The following IMPA2 variants were observed in gnomAD, a reference collection of about 807,000 sequenced individuals.
IMPA2 encodes IMP 2.
IMPA2 carries 32 observed loss-of-function variants against 35.1 expected under a neutral mutation model. The ratio of observed to expected loss-of-function variants is 0.91; its 90% CI spans 0.69 to 1.23. IMPA2 has a LOEUF of 1.23. IMPA2 is among the 50% of genes most tolerant of loss of function. The pLI is 0.00. For synonymous variants in IMPA2, 135 were observed against 160.6 expected (o/e 0.84, Z 1.20); for missense variants, 334 against 387.6 (o/e 0.86, Z 1.16).
chr18:11,989,530 G>T (rs187038395), intron 1 of IMPA2, among the ~76,000 whole-genome samples: 8 of 152,288 alleles, frequency 5.3e-5, no homozygotes, highest in African/African-American at 1.9e-4. Context: ...GGTGGGGGTC[G>T]GTACATGGTC....
At chr18:12,012,291 C>T (rs1471865810) in intron 4 of IMPA2, 76 bp downstream of exon 4, 1 of 1,252,918 alleles carries the variant, frequency 8.0e-7, no homozygotes, top group Non-Finnish European at 1.2e-6. Flanking sequence ...GCTTCAGCCT[C>T]TGTGCGCCTG....
intron 2 of IMPA2, among the ~76,000 whole-genome samples, chr18:12,005,103 G>T (rs73404704): frequency 0.052 from 7,930 of 152,262 alleles, 712 homozygotes; most frequent in African/African-American, 0.18. Flanking sequence ...CCTTCACACC[G>T]CTGCAGCCAC....
intron 1 of IMPA2, among the ~76,000 whole-genome samples, chr18:11,996,561 C>G (rs1189057478): frequency 6.6e-6 from 1 of 152,122 alleles, no homozygotes; most frequent in Non-Finnish European, 1.5e-5. Flanking sequence ...ACCTGCCCAC[C>G]CCGCCCGCTG....
rs1555645709 is a variant in IMPA2, at chr18:12,007,604, C to CTTTTTCTT, written c.231-2278_231-2277insTTTTCTTT. Among the ~76,000 whole-genome samples the CTTTTTCTT allele has an allele frequency of 3.7e-3, 496 of 134,700 alleles. 3 individuals carry two copies. The highest frequency in any genetic ancestry group is 7.6e-3 in the South Asian group (31 of 4,086). The allele number at this position is 134,700 out of a possible 152,430, so 88.4% of individuals were successfully genotyped here. ...TTTCTTTTCTTTTCTTTCTTTCTTT[C>CTTTTTCTT]TCTTTCTTTCTTTCTTTTTCTTTCT... is the stretch of plus-strand genomic sequence containing the variant. On this transcript the variant is annotated intron_variant, in intron 2 of 7. Transcript: ENST00000269159.
intron 1 of IMPA2, among the ~76,000 whole-genome samples, chr18:11,989,032 G>A (rs1228061523): frequency 3.3e-5 from 5 of 152,106 alleles, no homozygotes; most frequent in South Asian, 2.1e-4. Context: ...TTCACTAAGT[G>A]GAGATGTTGG....
At chr18:11,989,520 G>A (rs1906754356) in intron 1 of IMPA2, among the ~76,000 whole-genome samples, 1 of 152,226 alleles carries the variant, frequency 6.6e-6, no homozygotes, top group South Asian at 2.1e-4. Flanking sequence ...CCTTTGGTGG[G>A]GTGGGGGTCG....
intron 1 of IMPA2, among the ~76,000 whole-genome samples, chr18:11,983,708 C>T (rs956338442): frequency 1.3e-5 from 2 of 152,152 alleles, no homozygotes; most frequent in African/African-American, 4.8e-5. Flanking sequence ...CCGCCCGGGG[C>T]TCCCCCTCAG....
chr18:11,986,465 G>A (rs1402971074), intron 1 of IMPA2, among the ~76,000 whole-genome samples: 2 of 152,062 alleles, frequency 1.3e-5, no homozygotes, highest in African/African-American at 4.8e-5. Flanking sequence ...GCCTGGTGGT[G>A]TGCCCTCCAC....
At chr18:12,008,691 G>A (rs1907348223) in intron 2 of IMPA2, 2 of 384,068 alleles carry the variant, frequency 5.2e-6, no homozygotes, top group African/African-American at 2.1e-5. Context: ...TGGGGCGAGA[G>A]TGCTTTCCCT....
chr18:12,006,665 G>A (rs881081), intron 2 of IMPA2, among the ~76,000 whole-genome samples: 9,122 of 152,242 alleles, frequency 0.06, 947 homozygotes, highest in African/African-American at 0.21. Flanking sequence ...TGATGTATGC[G>A]TGCACTTGTC....
chr18:12,022,732 A>G (rs1240610669), intron 5 of IMPA2, among the ~76,000 whole-genome samples: 5 of 150,496 alleles, frequency 3.3e-5, no homozygotes. Context: ...AAACAGTAGA[A>G]AGCATTTTGC....
intron 6 of IMPA2, 35 bp downstream of exon 6, chr18:12,028,186 C>T (rs201579345): frequency 2.8e-5 from 38 of 1,374,922 alleles, no homozygotes; most frequent in Middle Eastern, 1.8e-4. Flanking sequence ...CCCTGCAGCC[C>T]GAGGAGGAAG....
At chr18:11,982,607 C>G (rs1452107154) in intron 1 of IMPA2, among the ~76,000 whole-genome samples, 2 of 152,088 alleles carry the variant, frequency 1.3e-5, no homozygotes, top group Non-Finnish European at 2.9e-5. Flanking sequence ...CCAGCCTGAC[C>G]AACATGGTGA....
chr18:12,005,508 A>G (rs993843145), intron 2 of IMPA2, among the ~76,000 whole-genome samples: 19 of 152,218 alleles, frequency 1.2e-4, no homozygotes, highest in African/African-American at 4.6e-4. Context: ...AAAAATTTCT[A>G]AAAGTACTTG....
chr18:12,030,528 G>C lies in IMPA2; in HGVS notation c.*70G>C, dbSNP rs938813080. ...GTGGGCTCCTGGGGAGGTGGCCCTCGTGGCCCACGCTCCATGCCAGTGGCT... is the reference window on the plus strand; with the variant it reads ...GTGGGCTCCTGGGGAGGTGGCCCTCCTGGCCCACGCTCCATGCCAGTGGCT... On this transcript the variant is annotated 3_prime_UTR_variant, in exon 8 of 8. Coordinates refer to ENST00000269159, the MANE Select transcript of IMPA2 (RefSeq NM_014214.3). 5 of 1,245,024 alleles carry C rather than the reference G, an allele frequency of 4.0e-6. No homozygotes were observed. Among genetic ancestry groups the C allele is most frequent in the Admixed American group, 3.5e-5 (2 of 57,204 alleles). The allele number at this position is 1,245,024 out of a possible 1,614,324, so 77.1% of individuals were successfully genotyped here. A position where few individuals can be genotyped will look rare whatever the true frequency, so the allele number is the denominator to read the frequency against.
chr18:11,995,627 G>A (rs543626150), intron 1 of IMPA2, among the ~76,000 whole-genome samples: 4 of 152,304 alleles, frequency 2.6e-5, no homozygotes, highest in African/African-American at 9.6e-5. Context: ...CATGGTCACC[G>A]TGACCATGTT....
intron 5 of IMPA2, among the ~76,000 whole-genome samples, chr18:12,022,625 A>G (rs1478456225): frequency 6.7e-6 from 1 of 149,736 alleles, no homozygotes; most frequent in Non-Finnish European, 1.5e-5. Flanking sequence ...AAAATACAAA[A>G]ATCATAGTAA....
intron 5 of IMPA2, among the ~76,000 whole-genome samples, chr18:12,026,105 G>C (rs1288706005): frequency 1.3e-5 from 2 of 148,708 alleles, no homozygotes; most frequent in African/African-American, 5.0e-5. Flanking sequence ...TGTGATCTTG[G>C]CTCACTGCAA....
intron 1 of IMPA2, among the ~76,000 whole-genome samples, chr18:11,990,105 G>C (rs1313058364): frequency 6.6e-6 from 1 of 152,190 alleles, no homozygotes; most frequent in Non-Finnish European, 1.5e-5. Context: ...GTGAGGGAAG[G>C]CTTTGGTCTC....
Sources: gnomAD v4.1 joint callset for allele counts (sites outside exome capture counted in the v4.1 genomes callset) on GRCh38, gnomAD v4.1.1 for gene constraint, MANE v1.5 for transcripts, NCBI Gene and HGNC (gene_info 2026-07-23, HGNC 2026-07-21) for gene names.